NFATC3: variants seen among roughly 807,000 people sequenced by gnomAD.
The protein encoded by NFATC3 is nuclear factor of activated T-cells, cytoplasmic 3.
Under a neutral mutation model 98.6 loss-of-function variants are expected in NFATC3, and 46 were observed. That is an observed-to-expected ratio of 0.47 (90% confidence interval 0.37 to 0.60). The LOEUF (loss-of-function observed/expected upper bound fraction) is 0.60. Among genes scored for constraint, NFATC3 ranks in the 20% least tolerant of loss-of-function variants. The pLI is 0.00. For missense variants in NFATC3, 1,256 were observed against 1,295.5 expected (o/e 0.97, Z 0.47); for synonymous variants, 512 against 472.2 (o/e 1.08, Z -1.09).
intron 1 of NFATC3, among the ~76,000 whole-genome samples, chr16:68,118,768 A>G (rs760098656): frequency 8.5e-5 from 13 of 152,224 alleles, no homozygotes; most frequent in Admixed American, 2.6e-4. Flanking sequence ...TTTAATATGT[A>G]CAAAGTAGAA....
chr16:68,108,080 A>G (rs1322184046), intron 1 of NFATC3, among the ~76,000 whole-genome samples: 2 of 152,010 alleles, frequency 1.3e-5, no homozygotes, highest in East Asian at 3.9e-4. Context: ...GTTTAATTAG[A>G]TCCCATTTGT....
intron 9 of NFATC3, among the ~76,000 whole-genome samples, chr16:68,197,895 G>T (rs2040742150): frequency 6.6e-6 from 1 of 152,066 alleles, no homozygotes; most frequent in South Asian, 2.1e-4. Flanking sequence ...TAAGTAACAT[G>T]GAATCTCTTA....
intron 4 of NFATC3, among the ~76,000 whole-genome samples, chr16:68,162,891 G>T (rs1028149931): frequency 6.6e-5 from 10 of 151,948 alleles, no homozygotes; most frequent in African/African-American, 2.2e-4. Flanking sequence ...GGACCCTGCC[G>T]CCTTCCGCAG....
intron 9 of NFATC3, among the ~76,000 whole-genome samples, chr16:68,211,814 G>A (rs2041414917): frequency 6.6e-6 from 1 of 152,206 alleles, no homozygotes; most frequent in African/African-American, 2.4e-5. Flanking sequence ...GAGGCACCGT[G>A]CCCGGCACAC....
chr16:68,134,184 GTGTT>G (rs1215760081), intron 3 of NFATC3, among the ~76,000 whole-genome samples: 2 of 152,118 alleles, frequency 1.3e-5, no homozygotes, highest in Admixed American at 1.3e-4. Flanking sequence ...CTTTCATGAA[GTGTT>G]TGTTCACATC....
chr16:68,183,392 A>C, intron 8 of NFATC3, 26 bp downstream of exon 8: 1 of 1,605,650 alleles, frequency 6.2e-7, no homozygotes, highest in Non-Finnish European at 8.5e-7. Context: ...ATGGTTTACT[A>C]TAGAGCTTTC....
chr16:68,168,023 A>G (rs1336958916), intron 5 of NFATC3, among the ~76,000 whole-genome samples: 1 of 151,024 alleles, frequency 6.6e-6, no homozygotes, highest in East Asian at 1.9e-4. Context: ...TAGTAGAGAC[A>G]GGGTTTCATC....
At chr16:68,142,144 A>G (rs973486504) in intron 3 of NFATC3, among the ~76,000 whole-genome samples, 2 of 151,368 alleles carry the variant, frequency 1.3e-5, no homozygotes, top group African/African-American at 2.4e-5. Context: ...TAGGTTGTCT[A>G]CTCTGTTCTA....
chr16:68,143,361 A>G (rs1029194464), intron 3 of NFATC3, among the ~76,000 whole-genome samples: 1 of 152,174 alleles, frequency 6.6e-6, no homozygotes, highest in African/African-American at 2.4e-5. Flanking sequence ...TCAATTTTTA[A>G]TTTAAAATAG....
At chr16:68,221,977 C>G (rs2041879837) in intron 9 of NFATC3, among the ~76,000 whole-genome samples, 1 of 151,998 alleles carries the variant, frequency 6.6e-6, no homozygotes, top group Non-Finnish European at 1.5e-5. Flanking sequence ...GAAGCATTGA[C>G]TTCTTATAAG....
chr16:68,179,608 A>G (rs773659991), intron 6 of NFATC3, among the ~76,000 whole-genome samples: 13 of 152,240 alleles, frequency 8.5e-5, no homozygotes, highest in Non-Finnish European at 1.8e-4. Context: ...GTGAATGCCC[A>G]TGACACAAAA....
chr16:68,188,753 G>T (rs1053661554), intron 8 of NFATC3, among the ~76,000 whole-genome samples: 1 of 152,152 alleles, frequency 6.6e-6, no homozygotes, highest in Non-Finnish European at 1.5e-5. Context: ...TTGTTGCCCA[G>T]GCTGGAATGC....
chr16:68,124,634 C>A (rs895829547), intron 2 of NFATC3, among the ~76,000 whole-genome samples: 3 of 151,776 alleles, frequency 2.0e-5, no homozygotes, highest in Admixed American at 6.6e-5. Context: ...GGGGTTTCAC[C>A]GTGTTAGCCA....
At chr16:68,214,350 A>G (rs111302517) in intron 9 of NFATC3, 2 of 1,614,192 alleles carry the variant, frequency 1.2e-6, no homozygotes, top group Non-Finnish European at 1.7e-6. Context: ...TCTGACTTGG[A>G]ACACCAGCCA....
intron 1 of NFATC3, among the ~76,000 whole-genome samples, chr16:68,116,885 G>A (rs1330198160): frequency 1.3e-5 from 2 of 151,926 alleles, no homozygotes; most frequent in Admixed American, 6.6e-5. Flanking sequence ...AAGGAAAAAG[G>A]CAGTTTGAAA....
At chr16:68,128,994 G>T (rs983878153) in intron 3 of NFATC3, among the ~76,000 whole-genome samples, 2 of 152,114 alleles carry the variant, frequency 1.3e-5, no homozygotes, top group Non-Finnish European at 2.9e-5. Flanking sequence ...TACTCCAGAG[G>T]CTGAGGCAGT....
intron 1 of NFATC3, among the ~76,000 whole-genome samples, chr16:68,107,765 C>G (rs2035738509): frequency 6.6e-6 from 1 of 151,674 alleles, no homozygotes; most frequent in Non-Finnish European, 1.5e-5. Context: ...TCCTTTCTGA[C>G]TGGTTTGAGA....
intron 1 of NFATC3, among the ~76,000 whole-genome samples, chr16:68,088,355 T>TG: frequency 6.8e-6 from 1 of 147,262 alleles, no homozygotes; most frequent in South Asian, 2.1e-4. Flanking sequence ...ATATTATATA[T>TG]AAAATACATA....
chr16:68,092,893 C>T (rs1045694131), intron 1 of NFATC3, among the ~76,000 whole-genome samples: 1 of 152,168 alleles, frequency 6.6e-6, no homozygotes, highest in Non-Finnish European at 1.5e-5. Context: ...CTGAAAATGA[C>T]TTTTGTTTCC....
Sources: gnomAD v4.1 joint callset for allele counts (sites outside exome capture counted in the v4.1 genomes callset) on GRCh38, gnomAD v4.1.1 for gene constraint, MANE v1.5 for transcripts, NCBI Gene and HGNC (gene_info 2026-07-23, HGNC 2026-07-21) for gene names.